Variants in AUTS2 observed in about 807,000 individuals in gnomAD.
The protein encoded by AUTS2 is autism susceptibility gene 2 protein.
AUTS2 carries 17 observed loss-of-function variants against 112.4 expected under a neutral mutation model. The observed-to-expected ratio is 0.15, with a 90% CI of 0.10 to 0.23. The LOEUF is 0.23. Among genes scored for constraint, AUTS2 ranks in the 10% least tolerant of loss-of-function variants. The probability of loss-of-function intolerance (pLI) is 1.00; values close to 1 mark genes in which losing one functional copy is unlikely to be tolerated. For synonymous variants in AUTS2, 751 were observed against 702.7 expected (o/e 1.07, Z -1.09); for missense variants, 1,510 against 1,701.6 (o/e 0.89, Z 1.98).
At chr7:70,224,872 C>T (rs749100914) in intron 4 of AUTS2, among the ~76,000 whole-genome samples, 3 of 152,184 alleles carry the variant, frequency 2.0e-5, no homozygotes, top group Non-Finnish European at 4.4e-5. Flanking sequence ...TCAGTACAGT[C>T]ACATGCAAGT....
chr7:70,646,527 C>T (rs773502257), intron 5 of AUTS2, among the ~76,000 whole-genome samples: 1 of 152,242 alleles, frequency 6.6e-6, no homozygotes, highest in East Asian at 1.9e-4. Context: ...CCCTGGCAGG[C>T]TTTTGATGGT....
chr7:70,506,504 C>G (rs1365155157), intron 5 of AUTS2, among the ~76,000 whole-genome samples: 1 of 152,222 alleles, frequency 6.6e-6, no homozygotes, highest in Non-Finnish European at 1.5e-5. Flanking sequence ...CTGCCTATTA[C>G]TGCCTCTCAC....
Position 69,947,222 on chromosome 7 carries a change from T to C in AUTS2, c.522+47724T>C, listed in dbSNP as rs1012269240. ...ACACCAATATCAAGCTGTGGGGTAG[T>C]TATGTTGTGTGCAAGGCTTGGAGGG... On this transcript the variant is annotated intron_variant, in intron 2 of 18. Transcript: ENST00000342771. 3.9e-5 allele frequency among the ~76,000 whole-genome samples: 6 copies of C among 152,122 alleles called. No individual in the cohort carries two copies. In the South Asian group the frequency reaches 1.2e-3, roughly 32 times the overall value.
intron 1 of AUTS2, among the ~76,000 whole-genome samples, chr7:69,805,569 A>G (rs910932134): frequency 5.9e-5 from 9 of 152,218 alleles, no homozygotes; most frequent in African/African-American, 2.2e-4. Context: ...ATGAAGGAAA[A>G]AAGAATAGGA....
intron 2 of AUTS2, among the ~76,000 whole-genome samples, chr7:70,053,056 A>G (rs1244163377): frequency 6.6e-6 from 1 of 152,228 alleles, no homozygotes; most frequent in African/African-American, 2.4e-5. Flanking sequence ...CAAGGGATAT[A>G]AAGATTGCTG....
chr7:70,396,481 A>C (rs1289850590), intron 4 of AUTS2, among the ~76,000 whole-genome samples: 1 of 151,622 alleles, frequency 6.6e-6, no homozygotes, highest in East Asian at 1.9e-4. Context: ...GGTTCAAGCC[A>C]TCCCCCTGCC....
chr7:70,460,338 CTTTTTTTTT>C (rs10537541), intron 5 of AUTS2, among the ~76,000 whole-genome samples: 1 of 38,180 alleles, frequency 2.6e-5, no homozygotes, highest in Admixed American at 3.9e-4. Flanking sequence ...ACAGCCTGGT[CTTTTTTTTT>C]TTTTTTTTTT....
intron 2 of AUTS2, among the ~76,000 whole-genome samples, chr7:69,921,526 G>GAGAGGC (rs1795812625): frequency 1.3e-5 from 2 of 151,964 alleles, no homozygotes; most frequent in Admixed American, 6.6e-5. Context: ...CCAGCACTTT[G>GAGAGGC]AGAGGCAGAG....
At chr7:69,802,298 T>C (rs1365302069) in intron 1 of AUTS2, among the ~76,000 whole-genome samples, 1 of 152,198 alleles carries the variant, frequency 6.6e-6, no homozygotes, top group Non-Finnish European at 1.5e-5. Context: ...ATTTGTGTTT[T>C]GTTATTTTCT....
chr7:70,302,179 C>T (rs1789248383), intron 4 of AUTS2, among the ~76,000 whole-genome samples: 1 of 152,016 alleles, frequency 6.6e-6, no homozygotes, highest in Admixed American at 6.6e-5. Flanking sequence ...GGGAGGCCAA[C>T]GTGGGAGGAT....
chr7:69,880,936 A>G (rs1198683204), intron 1 of AUTS2, among the ~76,000 whole-genome samples: 5 of 152,304 alleles, frequency 3.3e-5, no homozygotes, highest in African/African-American at 4.8e-5. Flanking sequence ...AATTATTTGT[A>G]TAATTCAGCA....
intron 4 of AUTS2, among the ~76,000 whole-genome samples, chr7:70,151,720 G>T (rs997971508): frequency 2.0e-5 from 3 of 152,104 alleles, no homozygotes; most frequent in Non-Finnish European, 4.4e-5. Flanking sequence ...CCAAAGAGCT[G>T]GGATTACAGG....
chr7:69,957,043 G>A (rs1053791225), intron 2 of AUTS2, among the ~76,000 whole-genome samples: 29 of 145,486 alleles, frequency 2.0e-4, no homozygotes, highest in Admixed American at 4.1e-4. Flanking sequence ...TTTTCTTTTT[G>A]TTCTTTCTTT....
At chr7:69,608,565 ATGT>A (rs1347792332) in intron 1 of AUTS2, among the ~76,000 whole-genome samples, 8 of 152,212 alleles carry the variant, frequency 5.3e-5, no homozygotes, top group African/African-American at 1.9e-4. Flanking sequence ...TGCTGGTTAA[ATGT>A]TGTTTAGCGA....
chr7:70,690,804 A>C (rs1226311447), intron 5 of AUTS2, among the ~76,000 whole-genome samples: 2 of 152,148 alleles, frequency 1.3e-5, no homozygotes, highest in African/African-American at 4.8e-5. Flanking sequence ...CTGTACAAAA[A>C]ATAAAAATTA....
intron 1 of AUTS2, among the ~76,000 whole-genome samples, chr7:69,660,410 A>G (rs1294223679): frequency 6.6e-6 from 1 of 152,180 alleles, no homozygotes; most frequent in Non-Finnish European, 1.5e-5. Flanking sequence ...GAACCTTTTT[A>G]GACTTCATGG....
chr7:70,403,501 C>T (rs960112824), intron 4 of AUTS2, among the ~76,000 whole-genome samples: 8 of 152,180 alleles, frequency 5.3e-5, no homozygotes, highest in East Asian at 1.9e-4. Context: ...GTCTGCCTGG[C>T]GTCTGCCTGC....
At chr7:70,644,916 C>T (rs1806068011) in intron 5 of AUTS2, among the ~76,000 whole-genome samples, 1 of 152,156 alleles carries the variant, frequency 6.6e-6, no homozygotes, top group Non-Finnish European at 1.5e-5. Flanking sequence ...TTGACCTCTC[C>T]AAGAGGCGGG....
intron 2 of AUTS2, among the ~76,000 whole-genome samples, chr7:70,020,515 A>G (rs1336421005): frequency 6.6e-6 from 1 of 152,074 alleles, no homozygotes; most frequent in Non-Finnish European, 1.5e-5. Flanking sequence ...TTTTGAATAT[A>G]TCTTGAGTAC....
Sources: gnomAD v4.1 joint callset for allele counts (sites outside exome capture counted in the v4.1 genomes callset) on GRCh38, gnomAD v4.1.1 for gene constraint, MANE v1.5 for transcripts, NCBI Gene and HGNC (gene_info 2026-07-23, HGNC 2026-07-21) for gene names.